RBFOX3: variants seen among roughly 807,000 people sequenced by gnomAD.
RBFOX3 encodes RNA binding protein fox-1 homolog 3.
RBFOX3 carries 17 observed loss-of-function variants against 48.7 expected under a neutral mutation model. The ratio of observed to expected loss-of-function variants is 0.35; its 90% CI spans 0.24 to 0.52. The LOEUF (loss-of-function observed/expected upper bound fraction) is 0.52, where lower values mean the gene tolerates loss of function less well. RBFOX3 is among the 20% of genes least tolerant of loss of function. The pLI is 0.94. For synonymous variants in RBFOX3, 212 were observed against 209.5 expected (o/e 1.01, Z -0.10); for missense variants, 382 against 497.5 (o/e 0.77, Z 2.21).
In RBFOX3 at chr17:79,195,546, G is replaced by A. The variant is rs2055411574; in HGVS notation, c.-34+40220C>T. ...ACACAGACACCCAGCAAAAGGGTCT[G>A]CTCCATTTCAGTCTACGTTTCTTGG... On this transcript the variant is annotated intron_variant, in intron 4 of 14. Coordinates refer to ENST00000693108, the MANE Select transcript of RBFOX3 (RefSeq NM_001350451.2). The surrounding 1 kb of genome is among the most constrained non-coding windows in gnomAD (Gnocchi z 5.3). Among the ~76,000 whole-genome samples, 1 of 152,252 alleles carries A rather than the reference G, an allele frequency of 6.6e-6. No homozygotes were observed. The highest frequency in any genetic ancestry group is 2.4e-5 in the African/African-American group (1 of 41,468).
At chr17:79,185,587 C>T (rs1330362115) in intron 4 of RBFOX3, among the ~76,000 whole-genome samples, 1 of 152,234 alleles carries the variant, frequency 6.6e-6, no homozygotes, top group Non-Finnish European at 1.5e-5. Context: ...GCTGCACCTT[C>T]CCTGGAGGAT....
chr17:79,431,027 G>A, intron 2 of RBFOX3, among the ~76,000 whole-genome samples: 1 of 152,170 alleles, frequency 6.6e-6, no homozygotes, highest in Non-Finnish European at 1.5e-5. Flanking sequence ...GTGGCCAGAA[G>A]AACAACTTCA....
chr17:79,276,473 G>T (rs544453955), intron 3 of RBFOX3, among the ~76,000 whole-genome samples: 62 of 152,252 alleles, frequency 4.1e-4, no homozygotes, highest in African/African-American at 1.5e-3. Context: ...ATCACCTGAG[G>T]TCAGGAGTTC....
intron 1 of RBFOX3, among the ~76,000 whole-genome samples, chr17:79,500,212 C>T (rs1424731729): frequency 6.6e-6 from 1 of 152,000 alleles, no homozygotes; most frequent in East Asian, 1.9e-4. Flanking sequence ...TCAGCCAACT[C>T]CCAACGACAC....
At chr17:79,483,331 G>T (rs2079033382) in intron 1 of RBFOX3, among the ~76,000 whole-genome samples, 1 of 151,410 alleles carries the variant, frequency 6.6e-6, no homozygotes, top group African/African-American at 2.4e-5. Context: ...CAGCCCCACT[G>T]GCTTCCTGGC....
chr17:79,532,615 C>T (rs1410982069), intron 1 of RBFOX3, among the ~76,000 whole-genome samples: 1 of 152,212 alleles, frequency 6.6e-6, no homozygotes. Context: ...CCACTGAGGC[C>T]ACCACACAGA....
intron 1 of RBFOX3, among the ~76,000 whole-genome samples, chr17:79,520,053 C>T (rs902390056): frequency 6.6e-6 from 1 of 152,210 alleles, no homozygotes; most frequent in African/African-American, 2.4e-5. Context: ...AGTCACCAAG[C>T]CAGGTCTCCC....
At chr17:79,230,175 C>T (rs2060842957) in intron 4 of RBFOX3, among the ~76,000 whole-genome samples, 2 of 152,194 alleles carry the variant, frequency 1.3e-5, no homozygotes, top group Admixed American at 6.5e-5. Flanking sequence ...TCTAGGTTCC[C>T]TTCTCCCCAG....
chr17:79,496,203 C>A (rs2081514156), intron 1 of RBFOX3, among the ~76,000 whole-genome samples: 1 of 152,010 alleles, frequency 6.6e-6, no homozygotes, highest in East Asian at 1.9e-4. Context: ...GGGGCATTTT[C>A]ACTTCTGGAT....
At chr17:79,620,324 C>T in the RBFOX3 span, among the ~76,000 whole-genome samples, 1 of 149,690 alleles carries the variant, frequency 6.7e-6, no homozygotes, top group Non-Finnish European at 1.5e-5. Context: ...TATGTACATA[C>T]ACGCACGCAC....
At chr17:79,563,656 G>C (rs2092342808) in intron 1 of RBFOX3, among the ~76,000 whole-genome samples, 1 of 152,184 alleles carries the variant, frequency 6.6e-6, no homozygotes, top group African/African-American at 2.4e-5. Context: ...TATACTAGAG[G>C]AGTAGAATAG....
chr17:79,106,849 T>C, intron 5 of RBFOX3, 61 bp from the exon 6 acceptor site: 2 of 1,462,706 alleles, frequency 1.4e-6, no homozygotes, highest in Non-Finnish European at 1.8e-6. Flanking sequence ...CCATCCCCTC[T>C]GCTAAAGGGT....
chr17:79,160,996 A>C (rs933878625), intron 4 of RBFOX3, among the ~76,000 whole-genome samples: 9 of 149,176 alleles, frequency 6.0e-5, no homozygotes, highest in African/African-American at 2.3e-4. Flanking sequence ...AAAAAAAAAA[A>C]ACAAAAAAGT....
intron 4 of RBFOX3, among the ~76,000 whole-genome samples, chr17:79,211,722 G>A (rs1465506725): frequency 2.6e-5 from 4 of 152,124 alleles, no homozygotes; most frequent in African/African-American, 9.7e-5. Context: ...CTCCAGCCCT[G>A]ACTCCTCCAA....
At chr17:79,472,855 G>T (rs1409076501) in intron 2 of RBFOX3, among the ~76,000 whole-genome samples, 1 of 152,146 alleles carries the variant, frequency 6.6e-6, no homozygotes, top group East Asian at 1.9e-4. Context: ...AACCATCTGT[G>T]GTGAAGGATT....
intron 4 of RBFOX3, among the ~76,000 whole-genome samples, chr17:79,181,962 AACACAC>A (rs56842759): frequency 0.018 from 2,712 of 148,360 alleles, 35 homozygotes; most frequent in East Asian, 0.044. Context: ...GTCTCCAAGA[AACACAC>A]ACACACACAC....
intron 1 of RBFOX3, chr17:79,508,628 T>C: frequency 6.6e-6 from 1 of 152,360 alleles, no homozygotes; most frequent in Non-Finnish European, 1.5e-5. Flanking sequence ...TGCTGGATCC[T>C]TGCCAGCCAG....
chr17:79,253,472 A>G (rs2064294006), intron 3 of RBFOX3, among the ~76,000 whole-genome samples: 1 of 152,240 alleles, frequency 6.6e-6, no homozygotes, highest in Admixed American at 6.5e-5. Flanking sequence ...TGTTTAATTT[A>G]TAGCCACTTT....
intron 1 of RBFOX3, among the ~76,000 whole-genome samples, chr17:79,589,826 T>C (rs2093365694): frequency 6.6e-6 from 1 of 152,132 alleles, no homozygotes; most frequent in Non-Finnish European, 1.5e-5. Flanking sequence ...GGCCCAGGCA[T>C]GCTGGGGAGG....
Sources: gnomAD v4.1 joint callset for allele counts (sites outside exome capture counted in the v4.1 genomes callset) on GRCh38, gnomAD v4.1.1 for gene constraint, Gnocchi (gnomAD v3.1) non-coding constraint, MANE v1.5 for transcripts, NCBI Gene and HGNC (gene_info 2026-07-23, HGNC 2026-07-21) for gene names.